Variants in TTC28 observed in about 807,000 individuals in gnomAD.
TTC28 encodes the protein tetratricopeptide repeat domain 28.
In TTC28, 61 loss-of-function variants were observed where a neutral mutation model predicts 198.0. The ratio of observed to expected loss-of-function variants is 0.31; its 90% confidence interval spans 0.25 to 0.38. The LOEUF is 0.38. TTC28 is among the 10% of genes least tolerant of loss of function. The pLI, the probability that TTC28 is intolerant of heterozygous loss-of-function variation, is 1.00. For synonymous variants in TTC28, 1,171 were observed against 1,297.8 expected, an observed-to-expected ratio of 0.90 and a Z score of 2.10; for missense variants, 2,678 against 3,164.0, an observed-to-expected ratio of 0.85 and a Z score of 3.69.
At chr22:28,590,034 C>CAAAAAAAAAAAAAAAAAAAAAAAAAAAA (rs71194779) in intron 2 of TTC28, among the ~76,000 whole-genome samples, 1 of 68,054 alleles carries the variant, frequency 1.5e-5, no homozygotes, top group African/African-American at 1.0e-4. Flanking sequence ...AAGACTCCAT[C>CAAAAAAAAAAAAAAAAAAAAAAAAAAAA]AAAAAAAAAA....
At chr22:28,342,897 C>G (rs1007018771) in intron 2 of TTC28, among the ~76,000 whole-genome samples, 1 of 151,978 alleles carries the variant, frequency 6.6e-6, no homozygotes, top group Non-Finnish European at 1.5e-5. Flanking sequence ...ATGCACAGAC[C>G]TAGACTAAAA....
At chr22:28,632,992 T>G (rs998263833) in intron 1 of TTC28, among the ~76,000 whole-genome samples, 3 of 151,460 alleles carry the variant, frequency 2.0e-5, no homozygotes, top group African/African-American at 7.3e-5. Context: ...TTTAAAAAAT[T>G]TGCAAGGTAG....
intron 2 of TTC28, among the ~76,000 whole-genome samples, chr22:28,445,258 T>A (rs1205433726): frequency 6.6e-6 from 1 of 152,158 alleles, no homozygotes; most frequent in Non-Finnish European, 1.5e-5. Flanking sequence ...TAGAAAGGTA[T>A]AAGACTAAGT....
chr22:28,441,095 C>G (rs1244193219), intron 2 of TTC28, among the ~76,000 whole-genome samples: 1 of 152,146 alleles, frequency 6.6e-6, no homozygotes, highest in Non-Finnish European at 1.5e-5. Flanking sequence ...AGAGTGAATC[C>G]TAACACTTGA....
At chr22:28,595,232 A>G (rs2146102948) in intron 2 of TTC28, among the ~76,000 whole-genome samples, 1 of 152,298 alleles carries the variant, frequency 6.6e-6, no homozygotes, top group South Asian at 2.1e-4. Flanking sequence ...AATCTTTACA[A>G]CATTCTTGAG....
rs1409965843 is a variant in TTC28, at chr22:27,982,313, C to T, written c.7354G>A (p.Ala2452Thr). The part of the protein sequence containing the change: ...GSLPLPAGPP[A>T]TAPARPLRLP... ...CTCAAAGGGCGCGCGGGGGCTGTGG[C>T]GGGAGGGCCGGCGGGCAGCGGCAGT... Residue 2452 changes from alanine (A) to threonine (T), a missense_variant, in exon 23 of 23, where the codon GCC becomes ACC. Ala to Thr is a moderately conservative substitution (Grantham distance 58, BLOSUM62 0). This residue lies in a region of TTC28 where 622 missense variants were observed against 656.0 expected (regional missense o/e 0.95). Coordinates refer to ENST00000397906, the MANE Select transcript of TTC28 (RefSeq NM_001145418.2). The surrounding 1 kb of genome is among the most constrained non-coding windows in gnomAD (Gnocchi z 5.2). 12 of 1,523,948 alleles carry T rather than the reference C, an allele frequency of 7.9e-6. No individual in the cohort carries two copies. The highest frequency in any genetic ancestry group is 5.0e-5 in the South Asian group (4 of 80,242). The allele number at this position is 1,523,948 out of a possible 1,614,324, so 94.4% of individuals were successfully genotyped here. A position where few individuals can be genotyped will look rare whatever the true frequency, so the allele number is the denominator to read the frequency against.
intron 12 of TTC28, among the ~76,000 whole-genome samples, chr22:28,081,881 C>T (rs1170450916): frequency 6.6e-6 from 1 of 152,160 alleles, no homozygotes; most frequent in Non-Finnish European, 1.5e-5. Flanking sequence ...TCTTGTAGTC[C>T]ATGATCATAG....
intron 2 of TTC28, among the ~76,000 whole-genome samples, chr22:28,401,186 GA>G (rs910524091): frequency 9.3e-5 from 14 of 150,612 alleles, no homozygotes; most frequent in Middle Eastern, 3.4e-3. Context: ...GAAGGAAAAG[GA>G]GGGGGGGAGG....
intron 2 of TTC28, among the ~76,000 whole-genome samples, chr22:28,453,579 G>A (rs1410932859): frequency 6.6e-6 from 1 of 152,096 alleles, no homozygotes; most frequent in Non-Finnish European, 1.5e-5. Flanking sequence ...TCATCCAGCA[G>A]CTCAGGCCAA....
intron 5 of TTC28, among the ~76,000 whole-genome samples, chr22:28,211,543 A>G (rs1406573194): frequency 1.3e-5 from 2 of 152,224 alleles, no homozygotes; most frequent in East Asian, 3.8e-4. Flanking sequence ...GAAGGCCATT[A>G]CATATTGCTA....
intron 5 of TTC28, among the ~76,000 whole-genome samples, chr22:28,204,515 A>G (rs1364236993): frequency 2.0e-5 from 3 of 152,154 alleles, no homozygotes; most frequent in Non-Finnish European, 4.4e-5. Context: ...ATTCAAATCC[A>G]GCTCCATCTA....
At chr22:28,250,796 T>G (rs1243141417) in intron 5 of TTC28, among the ~76,000 whole-genome samples, 1 of 152,220 alleles carries the variant, frequency 6.6e-6, no homozygotes, top group African/African-American at 2.4e-5. Context: ...ATGGATATAG[T>G]GGGCCAACTA....
chr22:28,006,563 A>G (rs1219634452), intron 14 of TTC28: 1 of 152,160 alleles, frequency 6.6e-6, no homozygotes, highest in East Asian at 1.9e-4. Flanking sequence ...CCAGCTCCGA[A>G]TTTTAACCCA....
At chr22:28,212,061 A>T (rs937253394) in intron 5 of TTC28, among the ~76,000 whole-genome samples, 12 of 152,168 alleles carry the variant, frequency 7.9e-5, no homozygotes, top group African/African-American at 2.7e-4. Context: ...AGAAATAAAG[A>T]TGTTCTTTGA....
chr22:28,435,640 T>C (rs188549840), intron 2 of TTC28, among the ~76,000 whole-genome samples: 1 of 152,316 alleles, frequency 6.6e-6, no homozygotes, highest in African/African-American at 2.4e-5. Flanking sequence ...TTGGGCCAAT[T>C]AAACTCTGTA....
At position 27,989,960 on chromosome 22, in the gene TTC28, G is replaced by A; in HGVS notation, c.5625C>T (p.Asp1875=). ...AGACCTGAATGGGAGCTGATGCCAA[G>A]TCCTGCTCCTTCTCGCCAGCCTGGA... ...VQLQAGEKEQ[D]LASAPIQVSI... Residue 1875 remains aspartate, a synonymous_variant, in exon 21 of 23, where the codon GAC becomes GAT. Transcript: ENST00000397906. 1 of 1,551,324 alleles carries A rather than the reference G, an allele frequency of 6.4e-7. No individual in the cohort carries two copies. The highest frequency in any genetic ancestry group is 8.7e-7 in the Non-Finnish European group (1 of 1,146,948).
chr22:28,582,243 A>G (rs1239556511), intron 2 of TTC28, among the ~76,000 whole-genome samples: 1 of 152,214 alleles, frequency 6.6e-6, no homozygotes, highest in Non-Finnish European at 1.5e-5. Context: ...AGAAGATCCC[A>G]AAACGCAGAA....
intron 2 of TTC28, among the ~76,000 whole-genome samples, chr22:28,604,297 T>TACATATATATATATA (rs1053139903): frequency 6.1e-5 from 7 of 114,134 alleles, no homozygotes; most frequent in African/African-American, 2.5e-4. Flanking sequence ...AAAAAAAAAA[T>TACATATATATATATA]TATATATATA....
At chr22:28,167,884 C>T (rs1922191106) in intron 5 of TTC28, among the ~76,000 whole-genome samples, 1 of 152,156 alleles carries the variant, frequency 6.6e-6, no homozygotes, top group Non-Finnish European at 1.5e-5. Flanking sequence ...TCAAATTGTC[C>T]CTGTTTGCAG....
Sources: gnomAD v4.1 joint callset for allele counts (sites outside exome capture counted in the v4.1 genomes callset) on GRCh38, gnomAD v4.1.1 for gene constraint, gnomAD v4.1.1 regional missense constraint, Gnocchi (gnomAD v3.1) non-coding constraint, MANE v1.5 for transcripts, NCBI Gene and HGNC (gene_info 2026-07-23, HGNC 2026-07-21) for gene names.